The following SPG11 variants were observed in gnomAD, a reference collection of about 807,000 sequenced individuals.
SPG11 encodes the protein spatacsin.
A neutral mutation model predicts 274.0 loss-of-function variants in SPG11; 222 were observed. The observed-to-expected ratio is 0.81, with a 90% CI of 0.73 to 0.91. The LOEUF is 0.91. SPG11 is among the 40% of genes least tolerant of loss of function. The pLI is 0.00. For missense variants in SPG11, 3,114 were observed against 2,872.7 expected, an observed-to-expected ratio of 1.08 and a Z score of -1.92; for synonymous variants, 1,144 against 1,039.7, an observed-to-expected ratio of 1.10 and a Z score of -1.93.
chr15:44,627,652 C>CG (rs532522366), intron 10 of SPG11, among the ~76,000 whole-genome samples: 24 of 151,464 alleles, frequency 1.6e-4, no homozygotes, highest in Admixed American at 4.6e-4. Context: ...TGCAGTGGTG[C>CG]GATCTCAGCT....
intron 18 of SPG11, among the ~76,000 whole-genome samples, chr15:44,610,572 T>C (rs1276790347): frequency 6.6e-6 from 1 of 151,726 alleles, no homozygotes; most frequent in African/African-American, 2.4e-5. Flanking sequence ...CAGATGGTGT[T>C]TCACCACGTT....
chr15:44,645,565 T>C (rs778234998), intron 7 of SPG11, among the ~76,000 whole-genome samples: 6 of 152,066 alleles, frequency 3.9e-5, no homozygotes, highest in African/African-American at 7.2e-5. Flanking sequence ...CTGGCAAAGA[T>C]TTCATGACAA....
rs932176598 is a variant in SPG11 at position 44,567,715 on chromosome 15, G to C, written c.6586-123C>G. 16 of 975,312 alleles carry C rather than the reference G, an allele frequency of 1.6e-5. No homozygotes were observed. In the African/African-American group the frequency reaches 1.9e-4, roughly 12 times the overall value. The allele number at this position is 975,312 out of a possible 1,614,324, so 60.4% of individuals were successfully genotyped here. ...CCAAGAAGAAGAGGAGCAAAAATGA[G>C]AATAAATACAAGTTTTATGCTGTCC... On this transcript the variant is annotated intron_variant, in intron 35 of 39. Coordinates refer to ENST00000261866, the MANE Select transcript of SPG11 (RefSeq NM_025137.4).
chr15:44,625,845 T>C (rs189556240), intron 11 of SPG11, among the ~76,000 whole-genome samples: 111 of 150,898 alleles, frequency 7.4e-4, no homozygotes, highest in Non-Finnish European at 1.3e-3. Context: ...ACACCCGGCT[T>C]ATTTTTCTAC....
Position 44,660,450 on chromosome 15 carries a change from T to A in SPG11, c.424A>T (p.Ile142Phe). The change falls in exon 2 of 40, where the codon ATT (isoleucine) becomes TTT (phenylalanine). Residue 142 changes from isoleucine to phenylalanine, a missense_variant. By Grantham distance (21) the Ile-to-Phe change is conservative. Transcript: ENST00000261866. ...SCSREALQKL[I>F]DDQDISISLL... ...TACTTACTGATATCTTGATCGTCAA[T>A]GAGCTTTTGCAATGCCTCCCTACTA... 1 of 1,613,436 alleles carries A rather than the reference T, an allele frequency of 6.2e-7. No individual in the cohort carries two copies. The highest frequency in any genetic ancestry group is 1.1e-5 in the South Asian group (1 of 91,084).
At chr15:44,642,644 T>C (rs2084487595) in intron 7 of SPG11, among the ~76,000 whole-genome samples, 1 of 151,150 alleles carries the variant, frequency 6.6e-6, no homozygotes, top group Non-Finnish European at 1.5e-5. Context: ...GAAGATTGTT[T>C]GAGGCCAAGA....
rs1595888828 is a variant in SPG11, at chr15:44,620,248, TAATAACATCAACAGTCAGA to T, written c.2757_2775del (p.Leu920ThrfsTer10). 1.9e-6 allele frequency: 3 copies of T among 1,614,112 alleles called. No individual in the cohort carries two copies. Among genetic ancestry groups the T allele is most frequent in the Non-Finnish European group, 2.5e-6 (3 of 1,180,008 alleles). ...TAGTTGTTACAGGAAGTATTCTGGT[TAATAACATCAACAGTCAGA>T]AGGGGCCATTTGTTCTGCTGAAGTG... On this transcript the variant is annotated frameshift_variant, in exon 15 of 40. Coordinates refer to ENST00000261866, the MANE Select transcript of SPG11 (RefSeq NM_025137.4). LOFTEE classifies it high-confidence loss of function.
chr15:44,572,555 AT>A, intron 33 of SPG11, 127 bp downstream of exon 33: 1 of 929,754 alleles, frequency 1.1e-6, no homozygotes. Context: ...CCAAGAACTT[AT>A]AACTCCTGCT....
At chr15:44,662,817 A>C (rs936001706) in intron 1 of SPG11, among the ~76,000 whole-genome samples, 7 of 152,238 alleles carry the variant, frequency 4.6e-5, no homozygotes, top group African/African-American at 1.7e-4. Flanking sequence ...GCGCCTCGCA[A>C]GAAAGAAGTG....
intron 23 of SPG11, 85 bp from the exon 24 acceptor site, chr15:44,597,028 G>A: frequency 7.9e-7 from 1 of 1,271,048 alleles, no homozygotes; most frequent in Non-Finnish European, 1.1e-6. Context: ...TGGAAAATGA[G>A]TAAAAATGAT....
intron 30 of SPG11, among the ~76,000 whole-genome samples, chr15:44,578,323 G>T (rs1430546971): frequency 6.6e-6 from 1 of 151,744 alleles, no homozygotes; most frequent in Non-Finnish European, 1.5e-5. Context: ...GAGCCACCGC[G>T]CCTGGCCAGA....
At chr15:44,597,065 A>T (rs1403881293) in intron 23 of SPG11, 122 bp from the exon 24 acceptor site, 5 of 866,166 alleles carry the variant, frequency 5.8e-6, no homozygotes, top group Non-Finnish European at 8.9e-6. Flanking sequence ...TGTATTCTCC[A>T]ACAAATACTA....
Position 44,626,446 on chromosome 15 carries a change from A to G in SPG11, c.2129T>C (p.Ile710Thr), listed in dbSNP as rs368686728. The G allele has an allele frequency of 3.7e-6, 6 of 1,613,906 alleles. No individual in the cohort carries two copies. The highest frequency in any genetic ancestry group is 2.7e-5 in the African/African-American group (2 of 74,914). The part of the protein sequence containing the change: ...KIPEAQTFFR[I>T]DSHSAQKLEE... Reference sequence around the variant, plus strand: ...AAGTTTTTGAGCAGAATGACTATCAATCCTGAAGAAAGTCTGTGCCTCTGG... The same window carrying G: ...AAGTTTTTGAGCAGAATGACTATCAGTCCTGAAGAAAGTCTGTGCCTCTGG... The change falls in exon 11 of 40, where the codon ATT becomes ACT. Residue 710 changes from isoleucine (I) to threonine (T), a missense_variant. Physicochemically the swap from Ile to Thr is moderately conservative, Grantham distance 89. Transcript: ENST00000261866.
chr15:44,585,430 C>CAAAAAAAAA (rs67858533), intron 29 of SPG11, among the ~76,000 whole-genome samples: 27 of 97,058 alleles, frequency 2.8e-4, no homozygotes, highest in African/African-American at 4.2e-4. Context: ...ACTAAAAATA[C>CAAAAAAAAA]AAAAAAAAAA....
chr15:44,591,450 T>A (rs2082897349), intron 27 of SPG11, among the ~76,000 whole-genome samples: 1 of 152,232 alleles, frequency 6.6e-6, no homozygotes, highest in Admixed American at 6.5e-5. Context: ...ATTACTTGTA[T>A]ACCTAACTCT....
rs527647490 is a variant in SPG11 at position 44,643,584 on chromosome 15, T to TATAGCTAAAACTATAAAA, written c.1602+5281_1602+5282insTTTTATAGTTTTAGCTAT. Among the ~76,000 whole-genome samples, 116 of 152,222 alleles carry TATAGCTAAAACTATAAAA rather than the reference T, an allele frequency of 7.6e-4. 2 individuals carry two copies. In the South Asian group the frequency reaches 0.012, roughly 15 times the overall value. On this transcript the variant is annotated intron_variant, in intron 7 of 39. Transcript: ENST00000261866. ...GTAAGAGCTAAAACTATAAAAGTCT[T>TATAGCTAAAACTATAAAA]GTAAGAATAAATCTGCACAATCTCA... is the stretch of plus-strand genomic sequence containing the variant.
chr15:44,619,866 G>A (rs930780277), intron 15 of SPG11, among the ~76,000 whole-genome samples: 5 of 151,788 alleles, frequency 3.3e-5, no homozygotes, highest in Non-Finnish European at 5.9e-5. Flanking sequence ...GGGAGTACCC[G>A]GCATTATGCC....
Position 44,585,658 on chromosome 15 carries a change from A to G in SPG11, c.5099T>C (p.Val1700Ala). ...RRVAELAELP[V>A]DNLVIKEITQ... ...TACCTCTTTAATAACCAAGTTGTCCACAGGTAACTCAGCTAATTCTGCTAC... is the reference window on the plus strand; with the variant it reads ...TACCTCTTTAATAACCAAGTTGTCCGCAGGTAACTCAGCTAATTCTGCTAC... The change falls in exon 29 of 40, where the codon GTG becomes GCG. Residue 1700 changes from valine to alanine, a missense_variant. Transcript: ENST00000261866. The G allele has an allele frequency of 6.2e-7, 1 of 1,609,430 alleles. No individual in the cohort carries two copies. Among genetic ancestry groups the G allele is most frequent in the Non-Finnish European group, 8.5e-7 (1 of 1,177,730 alleles).
In SPG11 at chr15:44,651,019, A is replaced by G. The variant is rs2084758040; in HGVS notation, c.1456+472T>C. On this transcript the variant is annotated intron_variant, in intron 6 of 39. Transcript: ENST00000261866. ...CACCTCAGCCTCCCAAAGTGCTGGG[A>G]TTACAGGCGTGAGCCACCGCACCCG... Among the ~76,000 whole-genome samples the G allele has an allele frequency of 2.0e-5, 3 of 152,222 alleles. No homozygotes were observed. The South Asian group carries it at 6.2e-4, about 32-fold the overall frequency.
Sources: gnomAD v4.1 joint callset for allele counts (sites outside exome capture counted in the v4.1 genomes callset) on GRCh38, gnomAD v4.1.1 for gene constraint, MANE v1.5 for transcripts, NCBI Gene and HGNC (gene_info 2026-07-23, HGNC 2026-07-21) for gene names.